Variants in ATP10A observed in about 807,000 individuals in gnomAD.
ATP10A encodes phospholipid-transporting ATPase VA.
ATP10A carries 111 observed loss-of-function variants against 147.8 expected under a neutral mutation model. The observed-to-expected ratio is 0.75, with a 90% CI of 0.64 to 0.88. ATP10A has a LOEUF of 0.88. Among genes scored for constraint, ATP10A ranks in the 40% least tolerant of loss-of-function variants. The probability of loss-of-function intolerance (pLI) is 0.00; values close to 1 mark genes in which losing one functional copy is unlikely to be tolerated. For synonymous variants in ATP10A, 875 were observed against 841.6 expected (o/e 1.04, Z -0.69); for missense variants, 1,927 against 1,959.0 (o/e 0.98, Z 0.31).
Position 25,691,763 on chromosome 15 carries a change from G to C in ATP10A, c.3117C>G (p.Ile1039Met). 2 of 1,614,162 alleles carry C rather than the reference G, an allele frequency of 1.2e-6. No individual in the cohort carries two copies. The highest frequency in any genetic ancestry group is 1.7e-6 in the Non-Finnish European group (2 of 1,180,044). Residue 1039 changes from isoleucine (I) to methionine (M), a missense_variant, in exon 15 of 21, where the codon ATC (isoleucine) becomes ATG (methionine). Coordinates refer to ENST00000555815, the MANE Select transcript of ATP10A (RefSeq NM_024490.4). The stretch of plus-strand genomic sequence containing the variant: ...TTCCCACACCCACATCTGCCACCTG[G>C]ATCATGCTGACATCATTGGCTCCAT... The part of the protein sequence containing the change: ...IGDGANDVSM[I>M]QVADVGVGIS...
At chr15:25,854,367 T>C (rs528676627) in intron 1 of ATP10A, among the ~76,000 whole-genome samples, 20 of 152,168 alleles carry the variant, frequency 1.3e-4, no homozygotes, top group Admixed American at 7.2e-4. Flanking sequence ...TCATGGAGTA[T>C]ACAAATCAAT....
At chr15:25,863,362 C>G (rs1180817329), upstream of ATP10A, among the ~76,000 whole-genome samples, 2 of 151,858 alleles carry the variant, frequency 1.3e-5, no homozygotes, top group Admixed American at 6.6e-5. Context: ...TTGTCCTCGC[C>G]GCCCGCCCCC....
At chr15:25,815,324 A>C (rs962794802) in intron 1 of ATP10A, among the ~76,000 whole-genome samples, 4 of 152,116 alleles carry the variant, frequency 2.6e-5, no homozygotes, top group African/African-American at 7.2e-5. Flanking sequence ...TTGGGATGTG[A>C]CCACGGGCAG....
chr15:25,815,382 A>T (rs1208595714), intron 1 of ATP10A, among the ~76,000 whole-genome samples: 1 of 151,598 alleles, frequency 6.6e-6, no homozygotes, highest in East Asian at 1.9e-4. Context: ...ATGTGCACAG[A>T]CTTCTCACTG....
intron 1 of ATP10A, among the ~76,000 whole-genome samples, chr15:25,805,306 T>C (rs1463669085): frequency 6.6e-6 from 1 of 152,172 alleles, no homozygotes; most frequent in Non-Finnish European, 1.5e-5. Flanking sequence ...GCCACACAAT[T>C]CCAAGTTCCT....
chr15:25,728,823 C>T (rs1007495349), intron 3 of ATP10A, among the ~76,000 whole-genome samples: 9 of 152,164 alleles, frequency 5.9e-5, no homozygotes, highest in Non-Finnish European at 1.0e-4. Context: ...ACAGGTGCAT[C>T]GACCTATACA....
At chr15:25,859,884 G>T (rs1323543120) in intron 1 of ATP10A, among the ~76,000 whole-genome samples, 1 of 152,110 alleles carries the variant, frequency 6.6e-6, no homozygotes, top group South Asian at 2.1e-4. Flanking sequence ...AGTGGCAGCA[G>T]GTAAGACTTC....
At chr15:25,773,760 AT>A (rs1310243249) in intron 2 of ATP10A, among the ~76,000 whole-genome samples, 1 of 152,106 alleles carries the variant, frequency 6.6e-6, no homozygotes, top group African/African-American at 2.4e-5. Context: ...ACTTGCAAAA[AT>A]GTTTGCACTC....
intron 5 of ATP10A, among the ~76,000 whole-genome samples, 200 bp downstream of exon 5, chr15:25,725,751 C>T (rs546496739): frequency 6.6e-6 from 1 of 152,194 alleles, no homozygotes; most frequent in African/African-American, 2.4e-5. Context: ...TCTCCTGCCT[C>T]AGTCTCCCGA....
chr15:25,762,141 C>A (rs1375030075), intron 2 of ATP10A, among the ~76,000 whole-genome samples: 1 of 152,122 alleles, frequency 6.6e-6, no homozygotes, highest in South Asian at 2.1e-4. Context: ...CCCTTTTGCT[C>A]GGCACTTCTC....
At chr15:25,815,381 G>T (rs1891605592) in intron 1 of ATP10A, among the ~76,000 whole-genome samples, 1 of 152,122 alleles carries the variant, frequency 6.6e-6, no homozygotes, top group Admixed American at 6.5e-5. Flanking sequence ...TATGTGCACA[G>T]ACTTCTCACT....
At chr15:25,779,574 G>T (rs1334971678) in intron 2 of ATP10A, among the ~76,000 whole-genome samples, 1 of 150,894 alleles carries the variant, frequency 6.6e-6, no homozygotes, top group East Asian at 2.0e-4. Context: ...CGGGGGTGGG[G>T]GGTGGGCACG....
chr15:25,735,391 G>A (rs982009297), intron 3 of ATP10A, among the ~76,000 whole-genome samples: 4 of 152,116 alleles, frequency 2.6e-5, no homozygotes, highest in Non-Finnish European at 5.9e-5. Flanking sequence ...AAACAGACAT[G>A]AAGGTGGTTT....
intron 1 of ATP10A, among the ~76,000 whole-genome samples, chr15:25,830,770 T>C (rs11630555): frequency 0.42 from 63,998 of 152,082 alleles, 13,913 homozygotes; most frequent in Middle Eastern, 0.57. Flanking sequence ...ATATTAAACC[T>C]GTTTCAAAAG....
intron 1 of ATP10A, chr15:25,861,817 T>C (rs1893772102): frequency 6.4e-6 from 1 of 156,862 alleles, no homozygotes; most frequent in East Asian, 1.9e-4. Flanking sequence ...TGGTCCAGGC[T>C]GCTGGACACA....
chr15:25,781,224 C>A lies in ATP10A; in HGVS notation c.450-1G>T. ...TCGGTTCACGTATTTCTTTTCTTCC[C>A]TAGAAAACAGATTTTGATTAACAAA... is the stretch of plus-strand genomic sequence containing the variant. On this transcript the variant is annotated splice_acceptor_variant, in intron 1 of 20. Coordinates refer to ENST00000555815, the MANE Select transcript of ATP10A (RefSeq NM_024490.4). LOFTEE classifies it high-confidence loss of function. The A allele has an allele frequency of 6.2e-7, 1 of 1,610,390 alleles. No homozygotes were observed.
intron 2 of ATP10A, among the ~76,000 whole-genome samples, chr15:25,754,619 C>A (rs2140597276): frequency 6.6e-6 from 1 of 152,258 alleles, no homozygotes; most frequent in Non-Finnish European, 1.5e-5. Flanking sequence ...AAGGCAATCT[C>A]AGAGGTAAAG....
Position 25,862,997 on chromosome 15 carries a change from G to A in ATP10A, c.100C>T (p.Pro34Ser). Residue 34 changes from proline (P) to serine (S), a missense_variant, in exon 1 of 21, where the codon CCC becomes TCC. Transcript: ENST00000555815. The stretch of plus-strand genomic sequence containing the variant: ...GCCGCAGGGTCCTCGGCGCCCGGGG[G>A]CGGCAGCAGGTTGGAGCGCACCGTG... ...TRTVRSNLLP[P>S]PGAEDPAAGA... is the part of the protein sequence containing the mutation. 7.1e-7 allele frequency: 1 copy of A among 1,410,678 alleles called. No individual in the cohort carries two copies. The highest frequency in any genetic ancestry group is 9.2e-7 in the Non-Finnish European group (1 of 1,092,378). 87.4% of individuals were successfully genotyped at this position (1,410,678 alleles called of 1,614,324 possible). A position where few individuals can be genotyped will look rare whatever the true frequency, so the allele number is the denominator to read the frequency against.
chr15:25,808,992 GT>G (rs1490545765), intron 1 of ATP10A, among the ~76,000 whole-genome samples: 1 of 152,202 alleles, frequency 6.6e-6, no homozygotes, highest in African/African-American at 2.4e-5. Flanking sequence ...CGAGATGAAG[GT>G]GGGGCATGTG....
Sources: gnomAD v4.1 joint callset for allele counts (sites outside exome capture counted in the v4.1 genomes callset) on GRCh38, gnomAD v4.1.1 for gene constraint, MANE v1.5 for transcripts, NCBI Gene and HGNC (gene_info 2026-07-23, HGNC 2026-07-21) for gene names.